The following ARHGAP15 variants were observed in gnomAD, a reference collection of about 807,000 sequenced individuals.
ARHGAP15 encodes the protein Rho GTPase activating protein 15.
ARHGAP15 carries 51 observed loss-of-function variants against 63.7 expected under a neutral mutation model. The observed-to-expected ratio is 0.80, with a 90% CI of 0.64 to 1.01. The LOEUF is 1.01. Among genes scored for constraint, ARHGAP15 ranks in the 50% least tolerant of loss-of-function variants. The pLI is 0.00. For missense variants in ARHGAP15, 560 were observed against 564.6 expected (o/e 0.99, Z 0.08); for synonymous variants, 191 against 193.8 (o/e 0.99, Z 0.12).
intron 1 of ARHGAP15, among the ~76,000 whole-genome samples, chr2:143,135,670 A>C (rs962469663): frequency 2.0e-5 from 3 of 152,114 alleles, no homozygotes. Flanking sequence ...GATGCTATCG[A>C]ACCCTCCTTC....
chr2:143,261,596 C>T (rs1680728496), intron 6 of ARHGAP15, among the ~76,000 whole-genome samples: 1 of 151,858 alleles, frequency 6.6e-6, no homozygotes, highest in Non-Finnish European at 1.5e-5. Flanking sequence ...TGATTACCAG[C>T]CTTGGCCTCC....
chr2:143,198,045 C>T (rs976627190), intron 2 of ARHGAP15, among the ~76,000 whole-genome samples: 1 of 151,676 alleles, frequency 6.6e-6, no homozygotes, highest in Non-Finnish European at 1.5e-5. Flanking sequence ...GAGCTTATTC[C>T]TAGATCTAGG....
At chr2:143,528,149 T>C (rs762621603) in intron 10 of ARHGAP15, among the ~76,000 whole-genome samples, 1 of 152,122 alleles carries the variant, frequency 6.6e-6, no homozygotes, top group Non-Finnish European at 1.5e-5. Context: ...GAGGAAGTCA[T>C]ATCCCATTAG....
At chr2:143,476,604 T>C (rs1691829457) in intron 8 of ARHGAP15, among the ~76,000 whole-genome samples, 1 of 152,156 alleles carries the variant, frequency 6.6e-6, no homozygotes, top group Admixed American at 6.5e-5. Flanking sequence ...ATATACACAA[T>C]ACTTAAAATA....
chr2:143,503,759 C>T (rs1693179224), intron 9 of ARHGAP15, among the ~76,000 whole-genome samples: 1 of 152,136 alleles, frequency 6.6e-6, no homozygotes, highest in Admixed American at 6.5e-5. Flanking sequence ...AGGCATTATC[C>T]AATGATGAGG....
chr2:143,603,042 T>C (rs1034685250), intron 11 of ARHGAP15, among the ~76,000 whole-genome samples: 2 of 152,218 alleles, frequency 1.3e-5, no homozygotes, highest in African/African-American at 4.8e-5. Context: ...CTCAGAGATC[T>C]GTATGTATAG....
intron 11 of ARHGAP15, among the ~76,000 whole-genome samples, chr2:143,573,027 T>C (rs998836278): frequency 1.3e-5 from 2 of 152,190 alleles, no homozygotes; most frequent in South Asian, 2.1e-4. Context: ...TGTGTGTTTA[T>C]AGAAGAAACA....
At chr2:143,407,111 T>A (rs1688230274) in intron 6 of ARHGAP15, among the ~76,000 whole-genome samples, 1 of 151,990 alleles carries the variant, frequency 6.6e-6, no homozygotes, top group African/African-American at 2.4e-5. Flanking sequence ...ATCCCTATTA[T>A]ATCTTTTGTT....
At chr2:143,607,325 G>C (rs1057432546) in intron 11 of ARHGAP15, among the ~76,000 whole-genome samples, 2 of 152,100 alleles carry the variant, frequency 1.3e-5, no homozygotes, top group African/African-American at 4.8e-5. Flanking sequence ...TTTTGACTTA[G>C]AACATTTGCC....
chr2:143,701,686 C>T (rs981100118), intron 12 of ARHGAP15, among the ~76,000 whole-genome samples: 1 of 152,178 alleles, frequency 6.6e-6, no homozygotes, highest in African/African-American at 2.4e-5. Context: ...GCCATGTTCA[C>T]ACCACTGCAC....
At chr2:143,572,434 C>T (rs1450840282) in intron 11 of ARHGAP15, among the ~76,000 whole-genome samples, 1 of 152,128 alleles carries the variant, frequency 6.6e-6, no homozygotes, top group Non-Finnish European at 1.5e-5. Context: ...TTCCCTTGCC[C>T]TGTTCTCAGC....
At chr2:143,581,653 G>T (rs545211825) in intron 11 of ARHGAP15, among the ~76,000 whole-genome samples, 147 of 152,240 alleles carry the variant, frequency 9.7e-4, no homozygotes, top group African/African-American at 3.5e-3. Context: ...GCCTGGCAAA[G>T]GGATTAGTAC....
intron 6 of ARHGAP15, among the ~76,000 whole-genome samples, chr2:143,334,118 T>C (rs1339123900): frequency 6.6e-6 from 1 of 152,186 alleles, no homozygotes; most frequent in Non-Finnish European, 1.5e-5. Flanking sequence ...AGCTTCCCCT[T>C]GTACATTTGC....
chr2:143,674,536 C>T (rs1477305029), intron 12 of ARHGAP15, among the ~76,000 whole-genome samples: 1 of 152,086 alleles, frequency 6.6e-6, no homozygotes, highest in African/African-American at 2.4e-5. Context: ...TGTAACTCGA[C>T]TACTGTTGGT....
At chr2:143,428,227 G>A (rs750537050) in intron 6 of ARHGAP15, among the ~76,000 whole-genome samples, 6 of 152,012 alleles carry the variant, frequency 3.9e-5, no homozygotes, top group Non-Finnish European at 8.8e-5. Flanking sequence ...GGTCTAGGCA[G>A]CAGGAACAAC....
intron 1 of ARHGAP15, among the ~76,000 whole-genome samples, chr2:143,153,171 C>G (rs930223087): frequency 6.6e-6 from 1 of 151,854 alleles, no homozygotes; most frequent in Non-Finnish European, 1.5e-5. Flanking sequence ...TACGGTTGGG[C>G]TATGTAAACA....
chr2:143,748,816 A>G (rs1412412763), intron 13 of ARHGAP15, among the ~76,000 whole-genome samples: 1 of 152,204 alleles, frequency 6.6e-6, no homozygotes, highest in African/African-American at 2.4e-5. Context: ...TGCATATACC[A>G]TAGTTTTCCC....
intron 11 of ARHGAP15, among the ~76,000 whole-genome samples, chr2:143,576,503 T>C (rs1366489368): frequency 6.6e-6 from 1 of 152,112 alleles, no homozygotes; most frequent in Non-Finnish European, 1.5e-5. Context: ...ATGCACTTTA[T>C]GTTTCCGGTT....
intron 10 of ARHGAP15, among the ~76,000 whole-genome samples, chr2:143,522,559 C>T (rs1207176319): frequency 6.6e-6 from 1 of 152,090 alleles, no homozygotes; most frequent in Admixed American, 6.6e-5. Flanking sequence ...TCATCTGACA[C>T]TATTTTGGAG....
Sources: allele counts gnomAD v4.1 joint callset (sites outside exome capture counted in the v4.1 genomes callset), GRCh38; gene constraint gnomAD v4.1.1; transcripts MANE v1.5; gene names NCBI Gene and HGNC (gene_info 2026-07-23, HGNC 2026-07-21).